Variants in DNAH12 observed in about 807,000 individuals in gnomAD.
DNAH12 encodes axonemal beta dynein heavy chain 12.
Under a neutral mutation model 371.5 loss-of-function variants are expected in DNAH12, and 285 were observed. The ratio of observed to expected loss-of-function variants is 0.77; its 90% CI spans 0.70 to 0.85. The LOEUF (loss-of-function observed/expected upper bound fraction) is 0.85, where lower values mean the gene tolerates loss of function less well. Among genes scored for constraint, DNAH12 ranks in the 40% least tolerant of loss-of-function variants. The probability of loss-of-function intolerance (pLI) is 0.00; values close to 1 mark genes in which losing one functional copy is unlikely to be tolerated. For synonymous variants in DNAH12, 1,200 were observed against 1,213.0 expected (o/e 0.99, Z 0.22); for missense variants, 3,611 against 3,689.4 (o/e 0.98, Z 0.55).
intron 62 of DNAH12, among the ~76,000 whole-genome samples, chr3:57,330,833 C>T (rs1020842966): frequency 2.0e-5 from 3 of 152,106 alleles, no homozygotes; most frequent in African/African-American, 7.2e-5. Flanking sequence ...TTCCAGCCTG[C>T]CAGCTTACCA....
At position 57,413,861 on chromosome 3, in the gene DNAH12, G is replaced by C. The variant is rs2064281664; in HGVS notation, c.5905C>G (p.Pro1969Ala). 6.4e-7 allele frequency: 1 copy of C among 1,550,850 alleles called. No homozygotes were observed. ...AAAATTATACACTTCTTTCCCATAG[G>C]TGGTCCAAAGACTCCTTTGCGTCTT... The part of the protein sequence containing the change: ...DKRRKGVFGP[P>A]MGKKCIIFID... The change falls in exon 39 of 74, where the codon CCT becomes GCT. Residue 1969 changes from proline (P) to alanine (A), a missense_variant. Pro to Ala is a conservative substitution (Grantham distance 27). Transcript: ENST00000495027.
chr3:57,446,659 CA>C lies in DNAH12; in HGVS notation c.3816del (p.Ala1273LeufsTer34). The C allele has an allele frequency of 1.3e-6, 2 of 1,543,588 alleles. No individual in the cohort carries two copies. The highest frequency in any genetic ancestry group is 2.4e-5 in the South Asian group (2 of 82,320). Reference protein sequence around the residue: ...LIGAFYLNLGGAPEGPAGTGK... With the variant: ...LIGAFYLNLGXAPEGPAGTGK... ...CCTGTGCCTGCTGGCCCCTCTGGAG[CA>C]CCTCCAAGGTTTAAATAGAAAGCAC... On this transcript the variant is annotated frameshift_variant, in exon 26 of 74. Transcript: ENST00000495027. LOFTEE classifies it high-confidence loss of function.
chr3:57,360,737 T>C (rs941473778), intron 58 of DNAH12, among the ~76,000 whole-genome samples: 31 of 151,994 alleles, frequency 2.0e-4, no homozygotes, highest in African/African-American at 6.8e-4. Flanking sequence ...CAAGGGTGCA[T>C]TGTGGGGTGG....
At chr3:57,449,313 G>A (rs2065662419) in intron 25 of DNAH12, among the ~76,000 whole-genome samples, 2 of 152,188 alleles carry the variant, frequency 1.3e-5, no homozygotes, top group African/African-American at 4.8e-5. Context: ...GGCTGCAGGT[G>A]GAGCTGCCTG....
chr3:57,397,960 G>A (rs1387944751), intron 43 of DNAH12, among the ~76,000 whole-genome samples: 1 of 152,074 alleles, frequency 6.6e-6, no homozygotes, highest in Non-Finnish European at 1.5e-5. Context: ...CAACCATAAG[G>A]AAATGCAGAT....
At chr3:57,443,014 T>C (rs1348199202) in intron 29 of DNAH12, among the ~76,000 whole-genome samples, 1 of 152,208 alleles carries the variant, frequency 6.6e-6, no homozygotes, top group Non-Finnish European at 1.5e-5. Flanking sequence ...CAATAGAAAT[T>C]CCCATAAAGT....
intron 16 of DNAH12, among the ~76,000 whole-genome samples, chr3:57,470,125 TTA>T (rs1332494615): frequency 1.3e-5 from 2 of 151,670 alleles, no homozygotes; most frequent in African/African-American, 2.4e-5. Flanking sequence ...AACTCATATA[TTA>T]TATATATATA....
intron 60 of DNAH12, among the ~76,000 whole-genome samples, chr3:57,347,131 T>C (rs542636852): frequency 6.6e-5 from 10 of 152,266 alleles, no homozygotes; most frequent in Admixed American, 4.6e-4. Flanking sequence ...CAGTATTACC[T>C]AATGCCAGAG....
At chr3:57,502,618 C>T (rs559093872) in intron 9 of DNAH12, 139 bp from the exon 10 acceptor site, 6 of 837,940 alleles carry the variant, frequency 7.2e-6, no homozygotes, top group East Asian at 2.9e-5. Flanking sequence ...GGTGCGATCT[C>T]GGCTCACTGC....
chr3:57,408,234 G>A (rs781836423), intron 40 of DNAH12, 46 bp downstream of exon 40: 45 of 1,448,880 alleles, frequency 3.1e-5, no homozygotes, highest in East Asian at 5.2e-5. Context: ...CGCCAAATGA[G>A]GGAAATATGT....
intron 1 of DNAH12, among the ~76,000 whole-genome samples, chr3:57,543,504 T>C (rs1374016327): frequency 6.6e-6 from 1 of 150,690 alleles, no homozygotes; most frequent in Admixed American, 6.6e-5. Context: ...GTGTTTTTAG[T>C]AGAGACAGGG....
At chr3:57,390,142 C>A (rs2063584244) in intron 45 of DNAH12, among the ~76,000 whole-genome samples, 1 of 148,180 alleles carries the variant, frequency 6.7e-6, no homozygotes, top group Admixed American at 6.7e-5. Context: ...CTGAGAGCAC[C>A]AATATTGACT....
chr3:57,358,970 G>C (rs1448954237), intron 58 of DNAH12, among the ~76,000 whole-genome samples: 1 of 151,996 alleles, frequency 6.6e-6, no homozygotes, highest in Non-Finnish European at 1.5e-5. Flanking sequence ...TTTTAGTAGA[G>C]ATGGGGTTTC....
intron 65 of DNAH12, 52 bp downstream of exon 65, chr3:57,322,291 A>G (rs2061824621): frequency 1.4e-5 from 21 of 1,453,734 alleles, no homozygotes; most frequent in Non-Finnish European, 1.9e-5. Flanking sequence ...TTACACTTCC[A>G]TATTTGATCA....
At chr3:57,491,232 G>T (rs1217482060) in intron 11 of DNAH12, among the ~76,000 whole-genome samples, 3 of 151,958 alleles carry the variant, frequency 2.0e-5, no homozygotes, top group Non-Finnish European at 4.4e-5. Flanking sequence ...ACTTACCGTG[G>T]ACAAAACTAA....
At chr3:57,325,214 A>G (rs1361065040) in intron 62 of DNAH12, among the ~76,000 whole-genome samples, 2 of 152,204 alleles carry the variant, frequency 1.3e-5, no homozygotes, top group Non-Finnish European at 2.9e-5. Flanking sequence ...CTTTGAAGAG[A>G]GCAGTGGTTC....
At chr3:57,325,287 T>G (rs1421880271) in intron 62 of DNAH12, among the ~76,000 whole-genome samples, 1 of 152,206 alleles carries the variant, frequency 6.6e-6, no homozygotes, top group Non-Finnish European at 1.5e-5. Flanking sequence ...GTCCCTGACC[T>G]CTGACCCCTG....
intron 50 of DNAH12, among the ~76,000 whole-genome samples, 191 bp from the exon 51 acceptor site, chr3:57,380,558 A>G (rs913989439): frequency 1.3e-5 from 2 of 152,118 alleles, no homozygotes; most frequent in African/African-American, 4.8e-5. Flanking sequence ...ACTGCCTCCC[A>G]GGTTCAAGTG....
rs2107654790 is a variant in DNAH12, at chr3:57,301,930, T to C, written c.11199A>G (p.Ile3733Met). The change falls in exon 70 of 74, where the codon ATA (isoleucine) becomes ATG (methionine). Residue 3733 changes from isoleucine (I) to methionine (M), a missense_variant. Ile to Met is a conservative substitution (Grantham distance 10). Transcript: ENST00000495027. ...GGTCCCGTAGAGTGTTACGTATAGT[T>C]ATAATTAAACTGCAATGAAAGAAAT... ...QEMERFNNLI[I>M]TIRNTLRDLE... 7 of 1,551,510 alleles carry C rather than the reference T, an allele frequency of 4.5e-6. No homozygotes were observed. The highest frequency in any genetic ancestry group is 5.2e-6 in the Non-Finnish European group (6 of 1,146,920).
Sources: gnomAD v4.1 joint callset for allele counts (sites outside exome capture counted in the v4.1 genomes callset) on GRCh38, gnomAD v4.1.1 for gene constraint, MANE v1.5 for transcripts, NCBI Gene and HGNC (gene_info 2026-07-23, HGNC 2026-07-21) for gene names.